Variants in SV2A observed in about 807,000 individuals in gnomAD.
The protein encoded by SV2A is solute carrier family 22 member B1.
In SV2A, 25 loss-of-function variants were observed where a neutral mutation model predicts 78.0. That is an observed-to-expected ratio of 0.32 (90% CI 0.23 to 0.45). SV2A has a LOEUF of 0.45. Ranked by LOEUF, SV2A falls within the 20% of genes least tolerant of loss-of-function variation. The probability of loss-of-function intolerance (pLI) is 1.00; values close to 1 mark genes in which losing one functional copy is unlikely to be tolerated. For missense variants in SV2A, 752 were observed against 971.5 expected, an observed-to-expected ratio of 0.77 and a Z score of 3.00; for synonymous variants, 355 against 384.7, an observed-to-expected ratio of 0.92 and a Z score of 0.90.
chr1:149,907,692 C>T lies in SV2A; in HGVS notation c.1678+8G>A, dbSNP rs1336324903. On this transcript the variant is annotated splice_region_variant and intron_variant, in intron 10 of 12. Coordinates refer to ENST00000369146, the MANE Select transcript of SV2A (RefSeq NM_014849.5). The stretch of plus-strand genomic sequence containing the variant: ...TTGGTCTGACACCCACCAGCCACCC[C>T]GCCTTACCAGTGTTATAGAACACAG... 3.1e-5 allele frequency: 50 copies of T among 1,611,720 alleles called. No homozygotes were observed. Among genetic ancestry groups the T allele is most frequent in the African/African-American group, 8.0e-5 (6 of 74,848 alleles).
intron 1 of SV2A, among the ~76,000 whole-genome samples, chr1:149,915,913 G>GCACACA (rs150600749): frequency 4.4e-5 from 6 of 137,410 alleles, no homozygotes; most frequent in Non-Finnish European, 7.6e-5. Context: ...ACACACACAC[G>GCACACA]CACACACACA....
At position 149,913,856 on chromosome 1, in the gene SV2A, A is replaced by G; in HGVS notation, c.-16T>C. On this transcript the variant is annotated 5_prime_UTR_variant, in exon 2 of 13. Coordinates refer to ENST00000369146, the MANE Select transcript of SV2A (RefSeq NM_014849.5). ...CCTCTTCCATGATGGGGCTTGGGGC[A>G]CTTCACTGGGTCTTCTCCACCTCCT... The G allele has an allele frequency of 1.9e-6, 3 of 1,588,702 alleles. No individual in the cohort carries two copies. The highest frequency in any genetic ancestry group is 2.6e-6 in the Non-Finnish European group (3 of 1,165,928).
chr1:149,914,055 A>T lies in SV2A; in HGVS notation c.-215T>A. On this transcript the variant is annotated 5_prime_UTR_variant, in exon 2 of 13. Transcript: ENST00000369146. ...AGGAGAGGAGCTTTGACCTATACCC[A>T]GTTCAGTTGGGTGGATGGGGAAGGG... The T allele has an allele frequency of 1.7e-6, 1 of 584,112 alleles. No homozygotes were observed. Among genetic ancestry groups the T allele is most frequent in the East Asian group, 3.2e-5 (1 of 30,874 alleles). 36.2% of individuals were successfully genotyped at this position (584,112 alleles called of 1,614,324 possible). A position where few individuals can be genotyped will look rare whatever the true frequency, so the allele number is the denominator to read the frequency against.
Position 149,910,621 on chromosome 1 carries a change from A to G in SV2A, c.1038T>C (p.Phe346=), listed in dbSNP as rs1553763604. ...GCTGCGTGGTCAGAGCCCCAATGGCAAACACAGAAGGAAAGGCGCAGACGA... is the reference window on the plus strand; with the variant it reads ...GCTGCGTGGTCAGAGCCCCAATGGCGAACACAGAAGGAAAGGCGCAGACGA... ...FVLVCAFPSV[F]AIGALTTQPE... Residue 346 remains phenylalanine, a synonymous_variant, in exon 5 of 13, where the codon TTT becomes TTC. Coordinates refer to ENST00000369146, the MANE Select transcript of SV2A (RefSeq NM_014849.5). The surrounding 1 kb of genome is among the most constrained non-coding windows in gnomAD (Gnocchi z 4.2). 2 of 1,613,480 alleles carry G rather than the reference A, an allele frequency of 1.2e-6. No individual in the cohort carries two copies. The highest frequency in any genetic ancestry group is 1.7e-6 in the Non-Finnish European group (2 of 1,179,752).
chr1:149,907,670 G>A (rs2092447312), intron 10 of SV2A, 30 bp downstream of exon 10: 2 of 1,606,520 alleles, frequency 1.2e-6, no homozygotes, highest in African/African-American at 1.3e-5. Context: ...CAACCCTTTG[G>A]TCTGACACCC....
intron 1 of SV2A, among the ~76,000 whole-genome samples, chr1:149,916,249 C>G (rs1301114847): frequency 2.6e-5 from 4 of 152,268 alleles, no homozygotes; most frequent in African/African-American, 9.6e-5. Flanking sequence ...GAGAGGGGCA[C>G]GTAGGGCAGG....
In SV2A at chr1:149,906,020, G is replaced by A; in HGVS notation, c.1905C>T (p.Ser635=). 1.9e-6 allele frequency: 3 copies of A among 1,614,172 alleles called. No homozygotes were observed. The highest frequency in any genetic ancestry group is 1.7e-6 in the Non-Finnish European group (2 of 1,180,032). The change falls in exon 12 of 13, where the codon TCC becomes TCT. Residue 635 remains serine, a synonymous_variant. Coordinates refer to ENST00000369146, the MANE Select transcript of SV2A (RefSeq NM_014849.5). Reference sequence around the variant, plus strand: ...AAGACAGGAAGAAGCAGGAGACACAGGACATCACGCTGGAGCCAGCTGGAG... The same window carrying A: ...AAGACAGGAAGAAGCAGGAGACACAAGACATCACGCTGGAGCCAGCTGGAG... The part of the protein sequence containing the change: ...LRMLAGSSVM[S]CVSCFFLSFG...
chr1:149,908,470 C>T (rs906333846), intron 8 of SV2A, among the ~76,000 whole-genome samples: 1 of 152,098 alleles, frequency 6.6e-6, no homozygotes, highest in African/African-American at 2.4e-5. Flanking sequence ...ATTTGCTTTT[C>T]CCTCTGCCAA....
rs782123643 is a variant in SV2A at position 149,909,497 on chromosome 1, C to G, written c.1254G>C (p.Gln418His). The G allele has an allele frequency of 1.2e-6, 2 of 1,614,040 alleles. No homozygotes were observed. The highest frequency in any genetic ancestry group is 3.3e-5 in the Admixed American group (2 of 60,010). Residue 418 changes from glutamine to histidine, a missense_variant, in exon 7 of 13, where the codon CAG becomes CAC. Physicochemically the swap from Gln to His is conservative, Grantham distance 24. Around this residue, in one of 7 missense-constraint regions of SV2A, gnomAD observed 136 missense variants for 132.3 expected, o/e 1.03. Coordinates refer to ENST00000369146, the MANE Select transcript of SV2A (RefSeq NM_014849.5). ...EIQSDTGTWY[Q>H]RWGVRALSLG... ...GGCTCAAGGCCCGGACCCCCCAGCG[C>G]TGGTACCAGGTCCCTGTGTCCGACT...
chr1:149,907,600 T>A (rs1363731209), intron 10 of SV2A, 100 bp downstream of exon 10: 18 of 1,443,464 alleles, frequency 1.2e-5, no homozygotes, highest in Non-Finnish European at 1.4e-5. Context: ...GGTCCAGGGA[T>A]CTCAGCTTGA....
chr1:149,910,517 C>T lies in SV2A; in HGVS notation c.1089+53G>A, dbSNP rs2092468665. 2.0e-6 allele frequency: 3 copies of T among 1,515,924 alleles called. No individual in the cohort carries two copies. In the Admixed American group the frequency reaches 6.9e-5, roughly 35 times the overall value. The allele number at this position is 1,515,924 out of a possible 1,614,324, so 93.9% of individuals were successfully genotyped here. ...TGAACACAGAAGCCCCTGCTGCCGT[C>T]CACACTCCACAGCCCGCACCCCACC... is the stretch of plus-strand genomic sequence containing the variant. On this transcript the variant is annotated intron_variant, in intron 5 of 12. Coordinates refer to ENST00000369146, the MANE Select transcript of SV2A (RefSeq NM_014849.5). This position sits in a 1 kb window ranked among gnomAD's most constrained non-coding sequence, Gnocchi z 4.2.
intron 1 of SV2A, among the ~76,000 whole-genome samples, chr1:149,916,352 G>C (rs782017004): frequency 3.9e-5 from 6 of 152,230 alleles, no homozygotes; most frequent in Admixed American, 6.5e-5. Flanking sequence ...AAAGAAAGAA[G>C]ACAAATTCTT....
Position 149,910,549 on chromosome 1 carries a change from C to T in SV2A, c.1089+21G>A. ...CCACAGCCCGCACCCCACCCCACCC[C>T]ATGCAGCTCAGCCCCATCACCTCTA... On this transcript the variant is annotated intron_variant, in intron 5 of 12. Coordinates refer to ENST00000369146, the MANE Select transcript of SV2A (RefSeq NM_014849.5). The surrounding 1 kb of genome is among the most constrained non-coding windows in gnomAD (Gnocchi z 4.2). The T allele has an allele frequency of 6.3e-7, 1 of 1,588,474 alleles. No individual in the cohort carries two copies. Among genetic ancestry groups the T allele is most frequent in the South Asian group, 1.1e-5 (1 of 87,208 alleles).
Position 149,913,399 on chromosome 1 carries a change from GTTC to G in SV2A, c.439_441del (p.Glu147del), listed in dbSNP as rs2092488223. On this transcript the variant is annotated inframe_deletion, in exon 2 of 13. Transcript: ENST00000369146. ...AGGATGGCTTCATACTGTTGGGCCA[GTTC>G]TTCTCGTTCTTTCCGTCGTTGTGCC... is the stretch of plus-strand genomic sequence containing the variant. 3.7e-6 allele frequency: 6 copies of G among 1,614,002 alleles called. No individual in the cohort carries two copies. Among genetic ancestry groups the G allele is most frequent in the Non-Finnish European group, 5.1e-6 (6 of 1,180,036 alleles).
Position 149,907,760 on chromosome 1 carries a change from T to C in SV2A, c.1618A>G (p.Thr540Ala). Residue 540 changes from threonine to alanine, a missense_variant, in exon 10 of 13, where the codon ACA becomes GCA. Coordinates refer to ENST00000369146, the MANE Select transcript of SV2A (RefSeq NM_014849.5). ...LFEECYFEDV[T>A]SSNTFFRNCT... is the part of the protein sequence containing the mutation. ...TTGCGGAAAAACGTGTTGCTGGATG[T>C]GACATCCTCAAAATAACACTCTTCA... is the stretch of plus-strand genomic sequence containing the variant. 1 of 1,614,208 alleles carries C rather than the reference T, an allele frequency of 6.2e-7. No individual in the cohort carries two copies. The highest frequency in any genetic ancestry group is 1.7e-5 in the Admixed American group (1 of 60,024).
At chr1:149,911,616 A>T (rs74124085) in intron 3 of SV2A, among the ~76,000 whole-genome samples, 184 bp downstream of exon 3, 1,533 of 152,276 alleles carry the variant, frequency 0.01, 34 homozygotes, top group African/African-American at 0.035. Flanking sequence ...ACAGCAGCAG[A>T]CAGGTCCTGG....
chr1:149,913,073 A>C, intron 2 of SV2A, 146 bp downstream of exon 2: 1 of 1,018,306 alleles, frequency 9.8e-7, no homozygotes, highest in Non-Finnish European at 1.4e-6. Flanking sequence ...GTGTGAGGGA[A>C]GAGTGTGCAG....
intron 8 of SV2A, among the ~76,000 whole-genome samples, chr1:149,908,616 G>A (rs117128666): frequency 2.0e-5 from 3 of 148,152 alleles, no homozygotes; most frequent in Non-Finnish European, 4.4e-5. Flanking sequence ...TCATCACCCT[G>A]CTTCATAGCA....
chr1:149,911,680 G>T, intron 3 of SV2A, 120 bp downstream of exon 3: 6 of 1,048,554 alleles, frequency 5.7e-6, no homozygotes, highest in African/African-American at 1.6e-5. Flanking sequence ...TCATTCATCC[G>T]TTCAACTCAC....
Sources: gnomAD v4.1 joint callset for allele counts (sites outside exome capture counted in the v4.1 genomes callset) on GRCh38, gnomAD v4.1.1 for gene constraint, gnomAD v4.1.1 regional missense constraint, Gnocchi (gnomAD v3.1) non-coding constraint, MANE v1.5 for transcripts, NCBI Gene and HGNC (gene_info 2026-07-23, HGNC 2026-07-21) for gene names.